RALYL: variants seen among roughly 807,000 people sequenced by gnomAD.
RALYL encodes RALY RNA binding protein like.
A neutral mutation model predicts 35.1 loss-of-function variants in RALYL; 29 were observed. The ratio of observed to expected loss-of-function variants is 0.83; its 90% CI spans 0.61 to 1.13. The LOEUF (loss-of-function observed/expected upper bound fraction) is 1.13, where lower values mean the gene tolerates loss of function less well. Among genes scored for constraint, RALYL ranks in the 50% most tolerant of loss-of-function variants. The probability of loss-of-function intolerance (pLI) is 0.00; values close to 1 mark genes in which losing one functional copy is unlikely to be tolerated. For synonymous variants in RALYL, 120 were observed against 127.6 expected (o/e 0.94, Z 0.40); for missense variants, 359 against 360.4 (o/e 1.00, Z 0.03).
chr8:84,345,270 C>G (rs1849627881), intron 1 of RALYL, among the ~76,000 whole-genome samples: 1 of 151,890 alleles, frequency 6.6e-6, no homozygotes, highest in Admixed American at 6.6e-5. Context: ...CCAACTATAG[C>G]CTCCTCTATT....
chr8:84,750,403 TA>T (rs1809684913), intron 2 of RALYL, among the ~76,000 whole-genome samples: 1 of 152,210 alleles, frequency 6.6e-6, no homozygotes, highest in East Asian at 1.9e-4. Flanking sequence ...GTGCTTTCTA[TA>T]AAGCTGTTGT....
intron 2 of RALYL, among the ~76,000 whole-genome samples, chr8:84,639,331 GACT>G (rs1383987798): frequency 1.3e-5 from 2 of 151,830 alleles, no homozygotes; most frequent in Non-Finnish European, 2.9e-5. Flanking sequence ...AGGAGCCTGT[GACT>G]TACCCCTGCC....
intron 2 of RALYL, among the ~76,000 whole-genome samples, chr8:84,724,423 G>T (rs968757727): frequency 4.6e-5 from 7 of 151,792 alleles, no homozygotes; most frequent in Admixed American, 2.6e-4. Context: ...CTTTGTTAAA[G>T]ATATTTGGCT....
At chr8:84,285,670 G>A (rs917004732) in intron 1 of RALYL, among the ~76,000 whole-genome samples, 2 of 152,186 alleles carry the variant, frequency 1.3e-5, no homozygotes, top group Middle Eastern at 6.8e-3. Flanking sequence ...AAGATACTTC[G>A]CTCAAGGAAT....
At chr8:84,613,964 T>C (rs569061459) in intron 2 of RALYL, among the ~76,000 whole-genome samples, 1 of 150,902 alleles carries the variant, frequency 6.6e-6, no homozygotes, top group South Asian at 2.1e-4. Flanking sequence ...GTCTAAAAAG[T>C]ATAGAATCTT....
rs561700767 is a variant in RALYL at position 84,753,285 on chromosome 8, T to C, written c.257-21294T>C. ...TTACCCAACTCTTGTAACTCCATTGTACTTTGAAAGTATCTAACTTGATCT... is the reference window on the plus strand; with the variant it reads ...TTACCCAACTCTTGTAACTCCATTGCACTTTGAAAGTATCTAACTTGATCT... On this transcript the variant is annotated intron_variant, in intron 2 of 8. Transcript: ENST00000521268. Among the ~76,000 whole-genome samples, 8 of 152,356 alleles carry C rather than the reference T, an allele frequency of 5.3e-5. No individual in the cohort carries two copies. In the South Asian group the frequency reaches 1.7e-3, roughly 32 times the overall value.
chr8:84,604,302 C>A (rs1437880257), intron 2 of RALYL, among the ~76,000 whole-genome samples: 1 of 152,082 alleles, frequency 6.6e-6, no homozygotes, highest in Non-Finnish European at 1.5e-5. Context: ...TTAGTCTATA[C>A]AAGAAAGACC....
At chr8:84,472,903 A>G (rs766963723) in intron 1 of RALYL, among the ~76,000 whole-genome samples, 3 of 152,146 alleles carry the variant, frequency 2.0e-5, no homozygotes, top group Non-Finnish European at 4.4e-5. Flanking sequence ...ATTTATTTTC[A>G]TGGAATAATC....
chr8:84,559,205 A>G (rs1032281789), intron 2 of RALYL, among the ~76,000 whole-genome samples: 2 of 151,962 alleles, frequency 1.3e-5, no homozygotes, highest in Admixed American at 6.6e-5. Flanking sequence ...ATATTAATTT[A>G]ATTATTGAAG....
intron 1 of RALYL, among the ~76,000 whole-genome samples, chr8:84,318,266 C>A (rs982832837): frequency 1.6e-4 from 24 of 152,204 alleles, no homozygotes; most frequent in African/African-American, 5.8e-4. Flanking sequence ...CCAACTTGTC[C>A]TCCACCCAGT....
intron 2 of RALYL, among the ~76,000 whole-genome samples, chr8:84,533,276 T>C (rs1240964029): frequency 1.3e-5 from 2 of 152,152 alleles, no homozygotes; most frequent in Admixed American, 6.5e-5. Context: ...GTGTAGTCAT[T>C]AGAACTTTTT....
chr8:84,734,130 A>G (rs1366598071), intron 2 of RALYL, among the ~76,000 whole-genome samples: 3 of 152,186 alleles, frequency 2.0e-5, no homozygotes, highest in African/African-American at 7.2e-5. Flanking sequence ...AGTCTATTTG[A>G]ATCAGCAAGT....
chr8:84,649,476 T>A (rs1828227868), intron 2 of RALYL, among the ~76,000 whole-genome samples: 2 of 151,936 alleles, frequency 1.3e-5, no homozygotes, highest in South Asian at 2.1e-4. Context: ...AAGGAAGGGA[T>A]CCAGTTTCAG....
intron 1 of RALYL, among the ~76,000 whole-genome samples, chr8:84,271,699 A>T (rs1006373547): frequency 1.1e-4 from 16 of 152,110 alleles, no homozygotes; most frequent in African/African-American, 3.9e-4. Flanking sequence ...AACATGAATG[A>T]TCTCAAAAGT....
intron 1 of RALYL, among the ~76,000 whole-genome samples, chr8:84,257,785 A>G (rs1333232440): frequency 6.6e-6 from 1 of 152,158 alleles, no homozygotes. Context: ...TGGTTTTCCC[A>G]GTGAAAATTT....
chr8:84,865,114 T>G (rs1563770400), intron 6 of RALYL, among the ~76,000 whole-genome samples: 1 of 152,216 alleles, frequency 6.6e-6, no homozygotes, highest in Non-Finnish European at 1.5e-5. Context: ...TATGTATACA[T>G]ATATGTAAAT....
intron 1 of RALYL, among the ~76,000 whole-genome samples, chr8:84,509,237 T>A (rs1431754522): frequency 1.3e-5 from 2 of 152,090 alleles, no homozygotes; most frequent in African/African-American, 4.8e-5. Flanking sequence ...TGGGTAGCAA[T>A]TTTTTTCCCT....
At chr8:84,325,267 G>T (rs538733674) in intron 1 of RALYL, among the ~76,000 whole-genome samples, 15 of 152,256 alleles carry the variant, frequency 9.9e-5, no homozygotes, top group African/African-American at 3.6e-4. Flanking sequence ...TTCAGTTGCA[G>T]TTGTTCTCAA....
intron 3 of RALYL, among the ~76,000 whole-genome samples, chr8:84,799,136 A>G (rs1443067966): frequency 5.3e-5 from 8 of 152,210 alleles, no homozygotes; most frequent in Non-Finnish European, 5.9e-5. Context: ...CCTCCAGTGA[A>G]GTAGGCATGA....
Sources: gnomAD v4.1 joint callset for allele counts (sites outside exome capture counted in the v4.1 genomes callset) on GRCh38, gnomAD v4.1.1 for gene constraint, MANE v1.5 for transcripts, NCBI Gene and HGNC (gene_info 2026-07-23, HGNC 2026-07-21) for gene names.